Variants in DHX29 observed in about 807,000 individuals in gnomAD.
DHX29 encodes DExH-box helicase 29.
A neutral mutation model predicts 167.9 loss-of-function variants in DHX29; 79 were observed. The observed-to-expected ratio is 0.47, with a 90% confidence interval of 0.39 to 0.57. DHX29 has a LOEUF of 0.57. DHX29 is among the 20% of genes least tolerant of loss of function. The probability of loss-of-function intolerance (pLI) is 0.00; values close to 1 mark genes in which losing one functional copy is unlikely to be tolerated. For synonymous variants in DHX29, 530 were observed against 546.0 expected, an observed-to-expected ratio of 0.97 and a Z score of 0.41; for missense variants, 1,347 against 1,593.4, an observed-to-expected ratio of 0.85 and a Z score of 2.63.
At chr5:55,282,444 CT>C (rs112767442) in intron 11 of DHX29, among the ~76,000 whole-genome samples, 133 of 152,086 alleles carry the variant, frequency 8.7e-4, no homozygotes, top group African/African-American at 2.7e-3. Context: ...GAAACCGTGC[CT>C]TTTTTTTCCT....
At chr5:55,273,196 T>G (rs1240095603) in intron 17 of DHX29, 97 bp downstream of exon 17, 5 of 1,319,190 alleles carry the variant, frequency 3.8e-6, no homozygotes, top group Admixed American at 2.7e-5. Flanking sequence ...TATAAGGCAC[T>G]TAATGTTAAC....
chr5:55,302,336 A>G (rs1250654248), intron 1 of DHX29, among the ~76,000 whole-genome samples: 1 of 152,234 alleles, frequency 6.6e-6, no homozygotes, highest in African/African-American at 2.4e-5. Flanking sequence ...ATAGATGAGC[A>G]GTACATTACC....
At chr5:55,282,266 T>C (rs1165466902) in intron 11 of DHX29, among the ~76,000 whole-genome samples, 1 of 152,234 alleles carries the variant, frequency 6.6e-6, no homozygotes, top group Non-Finnish European at 1.5e-5. Context: ...TTTGGTCTAC[T>C]TTTCTATCAA....
At position 55,267,750 on chromosome 5, in the gene DHX29, G is replaced by T. The variant is rs765184974; in HGVS notation, c.3367C>A (p.Leu1123Ile). ...TPIGRKDEAD[L>I]AKSALAMADS... is the part of the protein sequence containing the mutation. ...GCCATGGCCAAAGCTGATTTTGCAA[G>T]ATCTGCTTCATCTTTTCGACCAATT... The change falls in exon 22 of 27, where the codon CTT becomes ATT. Residue 1123 changes from leucine (L) to isoleucine (I), a missense_variant. By Grantham distance (5) the Leu-to-Ile change is conservative. Coordinates refer to ENST00000251636, the MANE Select transcript of DHX29 (RefSeq NM_019030.4). 6.2e-6 allele frequency: 10 copies of T among 1,609,988 alleles called. No individual in the cohort carries two copies. The highest frequency in any genetic ancestry group is 2.7e-5 in the African/African-American group (2 of 74,812).
chr5:55,307,362 C>A, intron 1 of DHX29, 25 bp downstream of exon 1: 1 of 1,602,218 alleles, frequency 6.2e-7, no homozygotes, highest in African/African-American at 1.3e-5. Context: ...GGGCAGACAG[C>A]CAGGGGCTGG....
At position 55,295,413 on chromosome 5, in the gene DHX29, T is replaced by C; in HGVS notation, c.617A>G (p.Lys206Arg). 6.2e-7 allele frequency: 1 copy of C among 1,613,594 alleles called. No individual in the cohort carries two copies. Among genetic ancestry groups the C allele is most frequent in the Non-Finnish European group, 8.5e-7 (1 of 1,179,544 alleles). ...AGGGTCCTCTTCATATGTTTTTGTT[T>C]TAGGTTGCAATGGAGGTGAAATAGT... ...QATISPPLQP[K>R]TKTYEEDPKS... Residue 206 changes from lysine to arginine, a missense_variant, in exon 5 of 27, where the codon AAA becomes AGA. Around this residue, in one of 3 missense-constraint regions of DHX29, gnomAD observed 405 missense variants for 416.8 expected, o/e 0.97. Transcript: ENST00000251636.
At chr5:55,267,279 T>C (rs1371047970) in intron 22 of DHX29, 48 bp from the exon 23 acceptor site, 12 of 1,422,936 alleles carry the variant, frequency 8.4e-6, no homozygotes, top group Admixed American at 1.8e-5. Context: ...CCATGTTCTC[T>C]TTCCAAACTC....
At chr5:55,259,038 GTC>G (rs1746183016) in intron 26 of DHX29, among the ~76,000 whole-genome samples, 1 of 152,056 alleles carries the variant, frequency 6.6e-6, no homozygotes, top group South Asian at 2.1e-4. Context: ...TAGAGACAGA[GTC>G]TCTCTATGTT....
At chr5:55,304,072 T>C (rs1046682757) in intron 1 of DHX29, among the ~76,000 whole-genome samples, 10 of 152,006 alleles carry the variant, frequency 6.6e-5, no homozygotes, top group African/African-American at 2.4e-4. Context: ...ATAAAGCAGC[T>C]TAATTATACT....
chr5:55,263,676 C>T (rs1746416385), intron 23 of DHX29, among the ~76,000 whole-genome samples: 1 of 150,922 alleles, frequency 6.6e-6, no homozygotes, highest in African/African-American at 2.4e-5. Context: ...AAAAGGCTCA[C>T]AGAAGAAGGG....
chr5:55,269,291 T>A, intron 21 of DHX29, 122 bp downstream of exon 21: 1 of 903,960 alleles, frequency 1.1e-6, no homozygotes, highest in Non-Finnish European at 1.7e-6. Context: ...CTCTCGGTTT[T>A]AATGTTCGTA....
chr5:55,300,939 C>T lies in DHX29; in HGVS notation c.188-2275G>A, dbSNP rs147423574. On this transcript the variant is annotated intron_variant, in intron 1 of 26. Coordinates refer to ENST00000251636, the MANE Select transcript of DHX29 (RefSeq NM_019030.4). The stretch of plus-strand genomic sequence containing the variant: ...ATTAGGGTACCAGCAAGGGAGGTTT[C>T]ATTCTGAGGCCTCTTCTCTTGGCAT... Among the ~76,000 whole-genome samples the T allele has an allele frequency of 1.3e-3, 202 of 152,234 alleles. 2 individuals carry two copies. In the Middle Eastern group the frequency reaches 0.024, roughly 18 times the overall value.
At chr5:55,266,415 T>C (rs1298077056) in intron 23 of DHX29, among the ~76,000 whole-genome samples, 1 of 149,450 alleles carries the variant, frequency 6.7e-6, no homozygotes, top group African/African-American at 2.5e-5. Flanking sequence ...GTTCAAGTGA[T>C]TCTTGTGCCT....
chr5:55,306,103 G>A (rs1300070216), intron 1 of DHX29, among the ~76,000 whole-genome samples: 2 of 152,180 alleles, frequency 1.3e-5, no homozygotes, highest in Non-Finnish European at 1.5e-5. Context: ...AGTTGTCAGG[G>A]AGAAATTCTA....
intron 8 of DHX29, among the ~76,000 whole-genome samples, chr5:55,286,567 T>C (rs932888943): frequency 7.2e-5 from 11 of 152,182 alleles, no homozygotes; most frequent in African/African-American, 2.4e-4. Flanking sequence ...CAGCTTCCTG[T>C]TACAGATAAA....
Position 55,276,266 on chromosome 5 carries a change from C to T in DHX29, c.2427G>A (p.Gln809=). The change falls in exon 14 of 27, where the codon CAG becomes CAA. Residue 809 remains glutamine (Q), a splice_region_variant and synonymous_variant. Transcript: ENST00000251636. ...TSKAGGIKKY[Q]EYIPVQTGAH... ...ATCTTTCAAAATATTTTCTTTTTAC[C>T]TGATATTTTTTTATTCCCCCTGCTT... The T allele has an allele frequency of 6.4e-7, 1 of 1,566,556 alleles. No homozygotes were observed. Among genetic ancestry groups the T allele is most frequent in the Non-Finnish European group, 8.6e-7 (1 of 1,165,082 alleles).
chr5:55,275,046 A>AT (rs1195611139), intron 14 of DHX29, 36 bp from the exon 15 acceptor site: 1 of 1,597,550 alleles, frequency 6.3e-7, no homozygotes, highest in Non-Finnish European at 8.5e-7. Context: ...GTGAATAAAA[A>AT]TATTAAGTAT....
intron 2 of DHX29, 111 bp downstream of exon 2, chr5:55,298,480 T>A: frequency 3.1e-6 from 2 of 642,962 alleles, no homozygotes; most frequent in Admixed American, 5.5e-5. Flanking sequence ...AGAGTACTAT[T>A]TACAAAAATT....
At chr5:55,258,038 C>T (rs2111767686) in intron 26 of DHX29, among the ~76,000 whole-genome samples, 1 of 152,228 alleles carries the variant, frequency 6.6e-6, no homozygotes, top group East Asian at 1.9e-4. Context: ...GAGTATGAGG[C>T]TTCAGGGTAG....
Sources: allele counts gnomAD v4.1 joint callset (sites outside exome capture counted in the v4.1 genomes callset), GRCh38; gene constraint gnomAD v4.1.1; regional missense constraint gnomAD v4.1.1; transcripts MANE v1.5; gene names NCBI Gene and HGNC (gene_info 2026-07-23, HGNC 2026-07-21).